The following COPS4 variants were observed in gnomAD, a reference collection of about 807,000 sequenced individuals.
COPS4 encodes COP9 signalosome complex subunit 4.
Under a neutral mutation model 55.1 loss-of-function variants are expected in COPS4, and 8 were observed. The ratio of observed to expected loss-of-function variants is 0.15; its 90% CI spans 0.09 to 0.26. The LOEUF is 0.26. COPS4 is among the 10% of genes least tolerant of loss of function. COPS4 has a pLI of 1.00. For missense variants in COPS4, 248 were observed against 484.0 expected, an observed-to-expected ratio of 0.51 and a Z score of 4.58; for synonymous variants, 185 against 165.7, an observed-to-expected ratio of 1.12 and a Z score of -0.90.
chr4:83,057,391 C>T lies in COPS4; in HGVS notation c.698C>T (p.Thr233Met). 1.9e-6 allele frequency: 3 copies of T among 1,591,136 alleles called. No individual in the cohort carries two copies. The highest frequency in any genetic ancestry group is 2.6e-6 in the Non-Finnish European group (3 of 1,171,316). The change falls in exon 6 of 10, where the codon ACG becomes ATG. Residue 233 changes from threonine (T) to methionine (M), a missense_variant. By Grantham distance (81) the Thr-to-Met change is moderately conservative. Coordinates refer to ENST00000264389, the MANE Select transcript of COPS4 (RefSeq NM_016129.3). ...GCCTTAAAACATGCTTTGCACTGTA[C>T]GATCTTAGCATCAGCAGGTAAACAC... is the stretch of plus-strand genomic sequence containing the variant. ...LEALKHALHC[T>M]ILASAGQQRS... is the part of the protein sequence containing the mutation.
At chr4:83,058,482 G>C (rs1386382273) in intron 6 of COPS4, among the ~76,000 whole-genome samples, 1 of 152,194 alleles carries the variant, frequency 6.6e-6, no homozygotes, top group Non-Finnish European at 1.5e-5. Context: ...GCCTCCCAAA[G>C]TGCTGAGATT....
intron 2 of COPS4, among the ~76,000 whole-genome samples, chr4:83,046,995 A>G (rs1044457666): frequency 2.6e-5 from 4 of 152,236 alleles, no homozygotes; most frequent in African/African-American, 9.6e-5. Flanking sequence ...ACTTGTAATG[A>G]AACTGTTTTC....
chr4:83,071,797 C>T (rs1731437732), intron 9 of COPS4, among the ~76,000 whole-genome samples: 1 of 152,024 alleles, frequency 6.6e-6, no homozygotes. Context: ...CTGCAACCTC[C>T]ACCTCTTGGG....
At chr4:83,038,845 AT>A (rs1214897530) in intron 1 of COPS4, among the ~76,000 whole-genome samples, 1 of 152,046 alleles carries the variant, frequency 6.6e-6, no homozygotes, top group Non-Finnish European at 1.5e-5. Context: ...GGGTTTCACC[AT>A]GTTGGCCAGG....
intron 1 of COPS4, chr4:83,035,800 G>T (rs1327203529): frequency 6.2e-6 from 1 of 162,292 alleles, no homozygotes; most frequent in East Asian, 1.7e-4. Context: ...ATGTCGTCCA[G>T]ACCATTCAGA....
intron 1 of COPS4, among the ~76,000 whole-genome samples, chr4:83,043,786 T>G (rs901930053): frequency 3.3e-5 from 5 of 152,196 alleles, no homozygotes; most frequent in African/African-American, 9.6e-5. Flanking sequence ...TTAAGGACCC[T>G]CAAACTTAGC....
intron 2 of COPS4, 107 bp from the exon 3 acceptor site, chr4:83,049,059 C>T (rs1487381860): frequency 7.1e-6 from 7 of 982,668 alleles, no homozygotes; most frequent in Non-Finnish European, 9.0e-6. Flanking sequence ...GCATTGAAGG[C>T]TGTACTAATA....
chr4:83,074,050 A>G (rs1731505581), intron 9 of COPS4, among the ~76,000 whole-genome samples: 1 of 152,086 alleles, frequency 6.6e-6, no homozygotes, highest in South Asian at 2.1e-4. Context: ...CATTCCTCTC[A>G]ATTTTTTATT....
intron 4 of COPS4, among the ~76,000 whole-genome samples, chr4:83,054,512 G>A (rs1196733127): frequency 1.3e-5 from 2 of 152,052 alleles, no homozygotes; most frequent in African/African-American, 4.8e-5. Context: ...AAATTACTTG[G>A]CAATGATGCT....
intron 9 of COPS4, among the ~76,000 whole-genome samples, chr4:83,070,785 A>G (rs890504575): frequency 1.3e-5 from 2 of 152,232 alleles, no homozygotes; most frequent in African/African-American, 4.8e-5. Flanking sequence ...CAAGCATAAA[A>G]AAGAAATAAA....
Position 83,057,670 on chromosome 4 carries a change from C to G in COPS4, c.715+262C>G, listed in dbSNP as rs563940648. On this transcript the variant is annotated intron_variant, in intron 6 of 9. Transcript: ENST00000264389. ...GGGCGCGGTGGCTCACACTTGTAAT[C>G]CCAGCACTTTGGGAGGCCGAGGCGG... Among the ~76,000 whole-genome samples the G allele has an allele frequency of 4.6e-5, 7 of 152,092 alleles. No individual in the cohort carries two copies. The South Asian group carries it at 1.5e-3, about 32-fold the overall frequency.
At chr4:83,043,662 A>G (rs1351198582) in intron 1 of COPS4, among the ~76,000 whole-genome samples, 1 of 152,040 alleles carries the variant, frequency 6.6e-6, no homozygotes, top group Non-Finnish European at 1.5e-5. Flanking sequence ...TAAAAGTAAG[A>G]GATCTTAGCA....
intron 4 of COPS4, among the ~76,000 whole-genome samples, chr4:83,052,830 A>G (rs999056821): frequency 3.3e-5 from 5 of 152,070 alleles, no homozygotes; most frequent in Non-Finnish European, 5.9e-5. Flanking sequence ...CAAGCAATCC[A>G]CCTGCCTTGG....
intron 7 of COPS4, among the ~76,000 whole-genome samples, chr4:83,063,548 C>T (rs1731225691): frequency 6.6e-6 from 1 of 151,446 alleles, no homozygotes; most frequent in East Asian, 1.9e-4. Context: ...GCTGGGACTA[C>T]AGGCGCCCGC....
chr4:83,047,101 T>C (rs1157444563), intron 2 of COPS4, among the ~76,000 whole-genome samples: 7 of 152,372 alleles, frequency 4.6e-5, no homozygotes, highest in Non-Finnish European at 1.0e-4. Flanking sequence ...AAAAAGTTAC[T>C]GCCTTAAAAC....
At chr4:83,073,788 C>T (rs892262304) in intron 9 of COPS4, among the ~76,000 whole-genome samples, 1 of 151,082 alleles carries the variant, frequency 6.6e-6, no homozygotes, top group East Asian at 1.9e-4. Context: ...GAAACCCCGT[C>T]TCTACTAAAA....
intron 1 of COPS4, among the ~76,000 whole-genome samples, chr4:83,037,258 C>T (rs918179740): frequency 6.6e-6 from 1 of 152,150 alleles, no homozygotes; most frequent in Non-Finnish European, 1.5e-5. Context: ...GGAAGTCTCA[C>T]GTCAGTTCTC....
chr4:83,053,010 A>G (rs758368276), intron 4 of COPS4, among the ~76,000 whole-genome samples: 1 of 152,222 alleles, frequency 6.6e-6, no homozygotes, highest in Non-Finnish European at 1.5e-5. Context: ...GAGTGGGACA[A>G]TGAATGGACT....
intron 6 of COPS4, among the ~76,000 whole-genome samples, chr4:83,057,919 C>CAAAAA (rs960818183): frequency 1.3e-4 from 7 of 54,206 alleles, no homozygotes; most frequent in Admixed American, 3.7e-4. Flanking sequence ...GACTCTGTCT[C>CAAAAA]AAAAAAAAAA....
Sources: allele counts gnomAD v4.1 joint callset (sites outside exome capture counted in the v4.1 genomes callset), GRCh38; gene constraint gnomAD v4.1.1; transcripts MANE v1.5; gene names NCBI Gene and HGNC (gene_info 2026-07-23, HGNC 2026-07-21).